AGPAT5: variants seen among roughly 807,000 people sequenced by gnomAD.
AGPAT5 encodes 1-acyl-sn-glycerol-3-phosphate acyltransferase epsilon.
A neutral mutation model predicts 45.6 loss-of-function variants in AGPAT5; 46 were observed. The observed-to-expected ratio is 1.01, with a 90% CI of 0.80 to 1.29. AGPAT5 has a LOEUF of 1.29. Among genes scored for constraint, AGPAT5 ranks in the 50% most tolerant of loss-of-function variants. The probability of loss-of-function intolerance (pLI) is 0.00; values close to 1 mark genes in which losing one functional copy is unlikely to be tolerated. For synonymous variants in AGPAT5, 272 were observed against 167.0 expected, an observed-to-expected ratio of 1.63 and a Z score of -4.85; for missense variants, 673 against 450.7, an observed-to-expected ratio of 1.49 and a Z score of -4.47.
chr8:6,714,891 T>C (rs1800270197), intron 1 of AGPAT5, among the ~76,000 whole-genome samples: 1 of 152,256 alleles, frequency 6.6e-6, no homozygotes, highest in Non-Finnish European at 1.5e-5. Context: ...TGTCTGATTT[T>C]GTGGAGCTGA....
intron 4 of AGPAT5, among the ~76,000 whole-genome samples, chr8:6,735,830 T>C (rs1046827298): frequency 3.3e-5 from 5 of 150,816 alleles, no homozygotes; most frequent in Non-Finnish European, 5.9e-5. Context: ...AGAGTGTTCC[T>C]GTTTATTCTT....
chr8:6,712,414 T>G (rs1364838557), intron 1 of AGPAT5, among the ~76,000 whole-genome samples: 2 of 152,152 alleles, frequency 1.3e-5, no homozygotes, highest in South Asian at 2.1e-4. Flanking sequence ...TCCTGATAAA[T>G]TAAAGGTGAT....
rs1357404966 is a variant in AGPAT5 at position 6,757,609 on chromosome 8, G to T, written c.*221G>T. On this transcript the variant is annotated 3_prime_UTR_variant, in exon 8 of 8. Coordinates refer to ENST00000285518, the MANE Select transcript of AGPAT5 (RefSeq NM_018361.5). ...CATCGGGGCTGCTGGAAGGGTAAAA[G>T]CTAAATGGAGTTTCTCCTGCTCTGT... is the stretch of plus-strand genomic sequence containing the variant. The T allele has an allele frequency of 7.9e-6, 4 of 503,606 alleles. No homozygotes were observed. 31.2% of individuals were successfully genotyped at this position (503,606 alleles called of 1,614,324 possible).
Position 6,757,709 on chromosome 8 carries a change from T to A in AGPAT5, c.*321T>A, listed in dbSNP as rs1376218075. Reference sequence around the variant, plus strand: ...ATTTTGCAAGTCAGATGGCTGCATTTTTGAGCATTAATTTGCAGCGTATTT... The same window carrying A: ...ATTTTGCAAGTCAGATGGCTGCATTATTGAGCATTAATTTGCAGCGTATTT... On this transcript the variant is annotated 3_prime_UTR_variant, in exon 8 of 8. Coordinates refer to ENST00000285518, the MANE Select transcript of AGPAT5 (RefSeq NM_018361.5). 1.4e-5 allele frequency: 3 copies of A among 212,380 alleles called. No individual in the cohort carries two copies. Among genetic ancestry groups the A allele is most frequent in the Non-Finnish European group, 2.8e-5 (3 of 107,140 alleles). The allele number at this position is 212,380 out of a possible 1,614,324, so 13.2% of individuals were successfully genotyped here.
chr8:6,734,221 T>TCA, intron 4 of AGPAT5, among the ~76,000 whole-genome samples: 1 of 152,182 alleles, frequency 6.6e-6, no homozygotes, highest in South Asian at 2.1e-4. Flanking sequence ...TTCTCGCTGT[T>TCA]CTTTAGTTCT....
At chr8:6,721,366 ACTAG>A (rs1470153750) in intron 1 of AGPAT5, among the ~76,000 whole-genome samples, 1 of 152,242 alleles carries the variant, frequency 6.6e-6, no homozygotes, top group African/African-American at 2.4e-5. Flanking sequence ...GGAGAGATAG[ACTAG>A]CTAGCTCTTT....
At chr8:6,721,350 G>T (rs537761111) in intron 1 of AGPAT5, among the ~76,000 whole-genome samples, 1 of 152,298 alleles carries the variant, frequency 6.6e-6, no homozygotes, top group African/African-American at 2.4e-5. Context: ...TGTAATCAAA[G>T]ACTGGGGAGA....
Position 6,747,873 on chromosome 8 carries a change from A to T in AGPAT5, c.745+45A>T, listed in dbSNP as rs762448762. On this transcript the variant is annotated intron_variant, in intron 6 of 7. Coordinates refer to ENST00000285518, the MANE Select transcript of AGPAT5 (RefSeq NM_018361.5). ...TGAAATGCCTGTACACGGTATATACAGTGCACATGTTTATGTAGAATTCAG... is the reference window on the plus strand; with the variant it reads ...TGAAATGCCTGTACACGGTATATACTGTGCACATGTTTATGTAGAATTCAG... The T allele has an allele frequency of 3.2e-6, 5 of 1,539,306 alleles. No individual in the cohort carries two copies. The East Asian group carries it at 6.9e-5, about 21-fold the overall frequency.
chr8:6,711,068 A>G (rs1367545606), intron 1 of AGPAT5, among the ~76,000 whole-genome samples: 3 of 152,146 alleles, frequency 2.0e-5, no homozygotes, highest in South Asian at 2.1e-4. Flanking sequence ...ATTTATATAT[A>G]TTAAAGAGGC....
At chr8:6,749,592 T>G (rs1463780233) in intron 6 of AGPAT5, among the ~76,000 whole-genome samples, 1 of 152,232 alleles carries the variant, frequency 6.6e-6, no homozygotes, top group Non-Finnish European at 1.5e-5. Context: ...TGTGCAAATT[T>G]AAGTATATCT....
At chr8:6,724,476 C>T (rs1374918354) in intron 1 of AGPAT5, among the ~76,000 whole-genome samples, 1 of 152,098 alleles carries the variant, frequency 6.6e-6, no homozygotes, top group East Asian at 1.9e-4. Flanking sequence ...AAAAAGGTAC[C>T]ATATTTTCAT....
chr8:6,710,953 G>C (rs1408449763), intron 1 of AGPAT5, among the ~76,000 whole-genome samples: 1 of 152,026 alleles, frequency 6.6e-6, no homozygotes, highest in African/African-American at 2.4e-5. Context: ...TCGTTTGCAA[G>C]GCTAGTGATG....
In AGPAT5 at chr8:6,730,733, C is replaced by G. The variant is rs768790339; in HGVS notation, c.312C>G (p.Ile104Met). Residue 104 changes from isoleucine to methionine, a missense_variant, in exon 3 of 8, where the codon ATC (isoleucine) becomes ATG (methionine). By Grantham distance (10) the Ile-to-Met change is conservative (BLOSUM62 1). Coordinates refer to ENST00000285518, the MANE Select transcript of AGPAT5 (RefSeq NM_018361.5). ...CAGTTGACTGGATTGTTGCTGACAT[C>G]TTGGCCATCAGGCAGAATGCGCTAG... ...QSTVDWIVADILAIRQNALGH... is the reference protein window; with the variant it reads ...QSTVDWIVADMLAIRQNALGH... 3 of 1,613,204 alleles carry G rather than the reference C, an allele frequency of 1.9e-6. No homozygotes were observed. The highest frequency in any genetic ancestry group is 1.3e-5 in the African/African-American group (1 of 74,900).
At chr8:6,756,440 A>G (rs1801836037) in intron 7 of AGPAT5, among the ~76,000 whole-genome samples, 1 of 152,090 alleles carries the variant, frequency 6.6e-6, no homozygotes, top group Admixed American at 6.5e-5. Flanking sequence ...AGCCTGGGCA[A>G]CATGGCAAAA....
chr8:6,732,103 C>G (rs543701943), intron 3 of AGPAT5, among the ~76,000 whole-genome samples: 1 of 152,200 alleles, frequency 6.6e-6, no homozygotes. Flanking sequence ...TTTGGGGGAA[C>G]ACACTTCTGT....
intron 5 of AGPAT5, 136 bp from the exon 6 acceptor site, chr8:6,747,534 C>A: frequency 1.2e-6 from 1 of 816,506 alleles, no homozygotes; most frequent in Non-Finnish European, 1.9e-6. Flanking sequence ...ACTTAGAGCC[C>A]TAAATATATG....
chr8:6,712,026 C>A (rs1249020366), intron 1 of AGPAT5, among the ~76,000 whole-genome samples: 1 of 152,182 alleles, frequency 6.6e-6, no homozygotes, highest in East Asian at 1.9e-4. Context: ...TTTTGAGGGG[C>A]TGCCCTTCAT....
rs1801961793 is a variant in AGPAT5, at chr8:6,759,556, T to C, written c.*2168T>C. 6.6e-6 allele frequency: 1 copy of C among 152,230 alleles called. No homozygotes were observed. The highest frequency in any genetic ancestry group is 6.5e-5 in the Admixed American group (1 of 15,284). 9.4% of individuals were successfully genotyped at this position (152,230 alleles called of 1,614,324 possible). A position where few individuals can be genotyped will look rare whatever the true frequency, so the allele number is the denominator to read the frequency against. On this transcript the variant is annotated 3_prime_UTR_variant, in exon 8 of 8. Transcript: ENST00000285518. ...TTATTACTGATTTACAGCTTAGTTA[T>C]TAATTTTTCTTTATAAGAATGCCGT...
rs116037153 is a variant in AGPAT5 at position 6,729,024 on chromosome 8, T to C, written c.290-1687T>C. Among the ~76,000 whole-genome samples, 529 of 152,300 alleles carry C rather than the reference T, an allele frequency of 3.5e-3. 3 individuals are homozygous for C. Among genetic ancestry groups the C allele is most frequent in the African/African-American group, 0.012 (506 of 41,566 alleles). ...TAGGGGAGAATCTTTGCAAGCAACA[T>C]TCTACTTATAGGGAGCCATAACAAA... is the stretch of plus-strand genomic sequence containing the variant. On this transcript the variant is annotated intron_variant, in intron 2 of 7. Transcript: ENST00000285518.
Sources: allele counts gnomAD v4.1 joint callset (sites outside exome capture counted in the v4.1 genomes callset), GRCh38; gene constraint gnomAD v4.1.1; transcripts MANE v1.5; gene names NCBI Gene and HGNC (gene_info 2026-07-23, HGNC 2026-07-21).